Variants in ZNF197 observed in about 807,000 individuals in gnomAD.
ZNF197 encodes the protein zinc finger protein 197.
In ZNF197, 14 loss-of-function variants were observed where a neutral mutation model predicts 27.4. The ratio of observed to expected loss-of-function variants is 0.51; its 90% CI spans 0.34 to 0.80. The LOEUF (loss-of-function observed/expected upper bound fraction) is 0.80. Among genes scored for constraint, ZNF197 ranks in the 30% least tolerant of loss-of-function variants. The pLI is 0.02. For missense variants in ZNF197, 1,090 were observed against 1,222.6 expected (o/e 0.89, Z 1.62); for synonymous variants, 415 against 420.0 (o/e 0.99, Z 0.15).
intron 1 of ZNF197, among the ~76,000 whole-genome samples, chr3:44,626,329 A>T (rs902418808): frequency 6.7e-6 from 1 of 149,626 alleles, no homozygotes; most frequent in Non-Finnish European, 1.5e-5. Context: ...TCCTGACACC[A>T]CTTAAGACTC....
At position 44,642,985 on chromosome 3, in the gene ZNF197, G is replaced by A; in HGVS notation, c.1855G>A (p.Glu619Lys). 6.2e-7 allele frequency: 1 copy of A among 1,614,014 alleles called. No homozygotes were observed. Among genetic ancestry groups the A allele is most frequent in the Non-Finnish European group, 8.5e-7 (1 of 1,179,988 alleles). ...TGACCATAAGAGGATGCACAGCAGA[G>A]AGAAACCTTACAAATGCACTGAATG... ...FIDHKRMHSR[E>K]KPYKCTECGK... The change falls in exon 6 of 6, where the codon GAG becomes AAG. Residue 619 changes from glutamate (E) to lysine (K), a missense_variant. Transcript: ENST00000344387.
Position 44,646,625 on chromosome 3 carries a change from A to C in ZNF197, c.*2405A>C, listed in dbSNP as rs192274272. On this transcript the variant is annotated 3_prime_UTR_variant, in exon 6 of 6. Coordinates refer to ENST00000344387, the MANE Select transcript of ZNF197 (RefSeq NM_006991.5). ...ATTATTATGATGAAAAAGAGAGGGGAGTGAAAATTGTTCAAGCTGTCTTGA... is the reference window on the plus strand; with the variant it reads ...ATTATTATGATGAAAAAGAGAGGGGCGTGAAAATTGTTCAAGCTGTCTTGA... 3 of 758,250 alleles carry C rather than the reference A, an allele frequency of 4.0e-6. No homozygotes were observed. The East Asian group carries it at 8.0e-5, about 20-fold the overall frequency. 47.0% of individuals were successfully genotyped at this position (758,250 alleles called of 1,614,324 possible).
In ZNF197 at chr3:44,642,923, AGT is replaced by A. The variant is rs780475476; in HGVS notation, c.1797_1798del (p.Cys599TrpfsTer7). 1.9e-6 allele frequency: 3 copies of A among 1,613,972 alleles called. No individual in the cohort carries two copies. The highest frequency in any genetic ancestry group is 1.7e-6 in the Non-Finnish European group (2 of 1,180,026). ...GAAAAGAAAACCTTTGGTTGTAAAA[AGT>A]GTGGGAAGATTTTCAGTTCTAAGTC... On this transcript the variant is annotated frameshift_variant, in exon 6 of 6. Coordinates refer to ENST00000344387, the MANE Select transcript of ZNF197 (RefSeq NM_006991.5). LOFTEE classifies it low-confidence loss of function (END_TRUNC).
Position 44,642,327 on chromosome 3 carries a change from A to G in ZNF197, c.1197A>G (p.Lys399=). 6.2e-7 allele frequency: 1 copy of G among 1,614,174 alleles called. No homozygotes were observed. Among genetic ancestry groups the G allele is most frequent in the Non-Finnish European group, 8.5e-7 (1 of 1,180,022 alleles). The change falls in exon 6 of 6, where the codon AAA becomes AAG. Residue 399 remains lysine (K), a synonymous_variant. Coordinates refer to ENST00000344387, the MANE Select transcript of ZNF197 (RefSeq NM_006991.5). ...TCCACACTGGTGAGAAACCTCATAA[A>G]TGTAAGGAATGTGGAAAAGGCTTTA... ...RRIHTGEKPH[K]CKECGKGFIQ...
intron 5 of ZNF197, among the ~76,000 whole-genome samples, chr3:44,637,170 C>T (rs1358566058): frequency 1.3e-5 from 2 of 151,980 alleles, no homozygotes; most frequent in African/African-American, 2.4e-5. Flanking sequence ...GCCCTGTTGC[C>T]CAGGCTGGAG....
In ZNF197 at chr3:44,645,476, A is replaced by G. The variant is rs1273174886; in HGVS notation, c.*1256A>G. 1.0e-6 allele frequency: 1 copy of G among 985,356 alleles called. No homozygotes were observed. Among genetic ancestry groups the G allele is most frequent in the Non-Finnish European group, 1.2e-6 (1 of 829,898 alleles). 61.0% of individuals were successfully genotyped at this position (985,356 alleles called of 1,614,324 possible). On this transcript the variant is annotated 3_prime_UTR_variant, in exon 6 of 6. Coordinates refer to ENST00000344387, the MANE Select transcript of ZNF197 (RefSeq NM_006991.5). ...AGTTACTAGATTATATATCTAGTTT[A>G]TGTATATGGAAAAAAATGTTATGGC...
At position 44,632,084 on chromosome 3, in the gene ZNF197, C is replaced by T. The variant is rs773804251; in HGVS notation, c.551-21C>T. 5 of 1,611,826 alleles carry T rather than the reference C, an allele frequency of 3.1e-6. No individual in the cohort carries two copies. In the Admixed American group the frequency reaches 6.7e-5, roughly 21 times the overall value. ...AGAAAAGGTTTGTAGGTCCCATATG[C>T]AGCTTTTTCTCCCTCCTCAGATTCT... On this transcript the variant is annotated intron_variant, in intron 3 of 5. Transcript: ENST00000344387.
At position 44,646,706 on chromosome 3, in the gene ZNF197, G is replaced by A. The variant is rs1338177274; in HGVS notation, c.*2486G>A. 1.1e-5 allele frequency: 6 copies of A among 550,948 alleles called. No individual in the cohort carries two copies. The highest frequency in any genetic ancestry group is 3.3e-5 in the Admixed American group (1 of 30,310). The allele number at this position is 550,948 out of a possible 1,614,324, so 34.1% of individuals were successfully genotyped here. A position where few individuals can be genotyped will look rare whatever the true frequency, so the allele number is the denominator to read the frequency against. ...GCTTTTGTGTATGTATGAAAATTTC[G>A]ATATGAAAGGTATAAAACATGGATG... On this transcript the variant is annotated 3_prime_UTR_variant, in exon 6 of 6. Coordinates refer to ENST00000344387, the MANE Select transcript of ZNF197 (RefSeq NM_006991.5).
rs199970492 is a variant in ZNF197 at position 44,631,231 on chromosome 3, C to T, written c.550+10C>T. ...CAGGATCCTCAGCATGGTATTTACT[C>T]AGTGCTCTGGGTTTTGGGCTGTTCA... On this transcript the variant is annotated intron_variant, in intron 3 of 5. Coordinates refer to ENST00000344387, the MANE Select transcript of ZNF197 (RefSeq NM_006991.5). 151 of 1,613,806 alleles carry T rather than the reference C, an allele frequency of 9.4e-5. No individual in the cohort carries two copies. Among genetic ancestry groups the T allele is most frequent in the Non-Finnish European group, 1.2e-4 (145 of 1,179,904 alleles).
In ZNF197 at chr3:44,642,156, A is replaced by G; in HGVS notation, c.1026A>G (p.Gln342=). The change falls in exon 6 of 6, where the codon CAA becomes CAG. Residue 342 remains glutamine, a synonymous_variant. Transcript: ENST00000344387. Reference sequence around the variant, plus strand: ...GGACTCCACCAGAGAAACAAGGCCAAAAGTGGAAGGAATTAGGAGACAGCT... The same window carrying G: ...GGACTCCACCAGAGAAACAAGGCCAGAAGTGGAAGGAATTAGGAGACAGCT... ...KKRTPPEKQG[Q]KWKELGDSLT... is the part of the protein sequence containing the mutation. 1.3e-5 allele frequency: 21 copies of G among 1,614,226 alleles called. No individual in the cohort carries two copies. Among genetic ancestry groups the G allele is most frequent in the Non-Finnish European group, 1.8e-5 (21 of 1,180,032 alleles).
rs1042011085 is a variant in ZNF197 at position 44,640,579 on chromosome 3, T to C, written c.770-1321T>C. Among the ~76,000 whole-genome samples, 1 of 152,182 alleles carries C rather than the reference T, an allele frequency of 6.6e-6. No homozygotes were observed. Among genetic ancestry groups the C allele is most frequent in the African/African-American group, 2.4e-5 (1 of 41,444 alleles). ...TTTTGGTAGAGACAGGGTTTCACCA[T>C]GTTGGCCAGGCTGGTCTCAAAGTCC... On this transcript the variant is annotated intron_variant, in intron 5 of 5. Transcript: ENST00000344387. This position sits in a 1 kb window ranked among gnomAD's most constrained non-coding sequence, Gnocchi z 4.0.
At position 44,642,607 on chromosome 3, in the gene ZNF197, C is replaced by A; in HGVS notation, c.1477C>A (p.Gln493Lys). The A allele has an allele frequency of 6.2e-7, 1 of 1,614,090 alleles. No individual in the cohort carries two copies. The highest frequency in any genetic ancestry group is 1.3e-5 in the African/African-American group (1 of 75,038). The change falls in exon 6 of 6, where the codon CAG becomes AAG. Residue 493 changes from glutamine to lysine, a missense_variant. Physicochemically the swap from Gln to Lys is moderately conservative, Grantham distance 53 (BLOSUM62 1). Transcript: ENST00000344387. ...TAATGAATGTGGGAAAGTCTTCTCTCAGAATGCTTACCTCATTGACCATCA... is the reference window on the plus strand; with the variant it reads ...TAATGAATGTGGGAAAGTCTTCTCTAAGAATGCTTACCTCATTGACCATCA... ...KCNECGKVFSQNAYLIDHQRL... is the reference protein window; with the variant it reads ...KCNECGKVFSKNAYLIDHQRL...
At chr3:44,638,173 C>T (rs1262404913) in intron 5 of ZNF197, among the ~76,000 whole-genome samples, 2 of 151,930 alleles carry the variant, frequency 1.3e-5, no homozygotes, top group African/African-American at 4.8e-5. Flanking sequence ...ATAAGTTTTT[C>T]ACTTCTTTTG....
chr3:44,633,958 G>T (rs1272825324), intron 5 of ZNF197, among the ~76,000 whole-genome samples: 1 of 151,914 alleles, frequency 6.6e-6, no homozygotes, highest in Non-Finnish European at 1.5e-5. Context: ...TCACACTTTT[G>T]AGACTGTATC....
intron 5 of ZNF197, among the ~76,000 whole-genome samples, chr3:44,638,325 T>G (rs910085897): frequency 3.9e-5 from 6 of 152,172 alleles, no homozygotes; most frequent in Admixed American, 3.9e-4. Flanking sequence ...CAGGCTGACC[T>G]TGAGCTCCTG....
intron 2 of ZNF197, among the ~76,000 whole-genome samples, chr3:44,630,542 A>G (rs1229712558): frequency 6.6e-6 from 1 of 152,178 alleles, no homozygotes; most frequent in African/African-American, 2.4e-5. Flanking sequence ...TTAGAGCTAT[A>G]TATTTCGTTA....
In ZNF197 at chr3:44,645,240, G is replaced by C; in HGVS notation, c.*1020G>C. The C allele has an allele frequency of 3.0e-6, 3 of 985,356 alleles. No homozygotes were observed. The highest frequency in any genetic ancestry group is 3.6e-6 in the Non-Finnish European group (3 of 829,874). The allele number at this position is 985,356 out of a possible 1,614,324, so 61.0% of individuals were successfully genotyped here. A position where few individuals can be genotyped will look rare whatever the true frequency, so the allele number is the denominator to read the frequency against. ...TGAAAGTACTTTTTGAAATCATTCAGTTGTCAATAAAGTTGGATAAAAGAG... is the reference window on the plus strand; with the variant it reads ...TGAAAGTACTTTTTGAAATCATTCACTTGTCAATAAAGTTGGATAAAAGAG... On this transcript the variant is annotated 3_prime_UTR_variant, in exon 6 of 6. Transcript: ENST00000344387.
At chr3:44,629,849 T>C (rs1240815578) in intron 2 of ZNF197, among the ~76,000 whole-genome samples, 1 of 150,496 alleles carries the variant, frequency 6.6e-6, no homozygotes, top group Non-Finnish European at 1.5e-5. Flanking sequence ...GAAGAAATGT[T>C]AATAAGTTTT....
chr3:44,640,057 G>A lies in ZNF197; in HGVS notation c.770-1843G>A, dbSNP rs1199301416. 6.6e-6 allele frequency among the ~76,000 whole-genome samples: 1 copy of A among 152,228 alleles called. No homozygotes were observed. The highest frequency in any genetic ancestry group is 1.5e-5 in the Non-Finnish European group (1 of 68,034). ...GGCAGATGAAAGGCGGGGGGTGTCA[G>A]TGGTAGGAAAGCCTGTGTCTCTTTC... On this transcript the variant is annotated intron_variant, in intron 5 of 5. Coordinates refer to ENST00000344387, the MANE Select transcript of ZNF197 (RefSeq NM_006991.5). The surrounding 1 kb of genome is among the most constrained non-coding windows in gnomAD (Gnocchi z 4.0).
Sources: gnomAD v4.1 joint callset for allele counts (sites outside exome capture counted in the v4.1 genomes callset) on GRCh38, gnomAD v4.1.1 for gene constraint, Gnocchi (gnomAD v3.1) non-coding constraint, MANE v1.5 for transcripts, NCBI Gene and HGNC (gene_info 2026-07-23, HGNC 2026-07-21) for gene names.